NRXN3: variants seen among roughly 807,000 people sequenced by gnomAD.
NRXN3 encodes the protein neurexin 3, also known as neurexin III.
A neutral mutation model predicts 137.6 loss-of-function variants in NRXN3; 32 were observed. The ratio of observed to expected loss-of-function variants is 0.23; its 90% CI spans 0.18 to 0.31. The LOEUF (loss-of-function observed/expected upper bound fraction) is 0.31. NRXN3 is among the 10% of genes least tolerant of loss of function. The pLI, the probability that NRXN3 is intolerant of heterozygous loss-of-function variation, is 1.00. For missense variants in NRXN3, 1,574 were observed against 2,062.5 expected, an observed-to-expected ratio of 0.76 and a Z score of 4.59; for synonymous variants, 798 against 784.5, an observed-to-expected ratio of 1.02 and a Z score of -0.29.
rs1464910968 is a variant in NRXN3 at position 79,034,443 on chromosome 14, A to C, written c.3262+46302A>C. Among the ~76,000 whole-genome samples, 12 of 151,726 alleles carry C rather than the reference A, an allele frequency of 7.9e-5. 1 individual carries two copies. Among genetic ancestry groups the C allele is most frequent in the Admixed American group, 7.9e-4 (12 of 15,178 alleles). Reference sequence around the variant, plus strand: ...AAAGTTTAAAGAACTTAGATGTTTTATTTTGTGAGAAGAACAATTTTGGGG... The same window carrying C: ...AAAGTTTAAAGAACTTAGATGTTTTCTTTTGTGAGAAGAACAATTTTGGGG... On this transcript the variant is annotated intron_variant, in intron 15 of 20. Coordinates refer to ENST00000335750, the MANE Select transcript of NRXN3 (RefSeq NM_001330195.2).
chr14:79,748,928 G>A (rs1289152511), intron 19 of NRXN3, among the ~76,000 whole-genome samples: 1 of 151,942 alleles, frequency 6.6e-6, no homozygotes, highest in Non-Finnish European at 1.5e-5. Context: ...AGTCAAGCAG[G>A]CTAAATTGAA....
At chr14:79,133,752 T>A (rs1462938386) in intron 15 of NRXN3, among the ~76,000 whole-genome samples, 1 of 151,632 alleles carries the variant, frequency 6.6e-6, no homozygotes, top group Non-Finnish European at 1.5e-5. Flanking sequence ...GGTGAAATCC[T>A]GTCTCTACTA....
chr14:79,464,869 C>G (rs980683725), intron 15 of NRXN3, among the ~76,000 whole-genome samples: 2 of 152,118 alleles, frequency 1.3e-5, no homozygotes, highest in East Asian at 3.8e-4. Flanking sequence ...ATATCCCATA[C>G]AATTGTTGCA....
At chr14:78,845,495 T>C (rs1227585021) in intron 10 of NRXN3, among the ~76,000 whole-genome samples, 1 of 152,064 alleles carries the variant, frequency 6.6e-6, no homozygotes, top group Non-Finnish European at 1.5e-5. Context: ...TCTTGTTTAA[T>C]TCTCTCTTTT....
intron 15 of NRXN3, among the ~76,000 whole-genome samples, chr14:79,242,502 C>T (rs182395162): frequency 6.6e-6 from 1 of 152,238 alleles, no homozygotes; most frequent in African/African-American, 2.4e-5. Context: ...TAATTGGCTA[C>T]CCTCTGGGTT....
At chr14:79,477,717 GA>G (rs1261683095) in intron 16 of NRXN3, among the ~76,000 whole-genome samples, 1 of 152,102 alleles carries the variant, frequency 6.6e-6, no homozygotes, top group African/African-American at 2.4e-5. Context: ...TGGGTTCAAG[GA>G]AAACAGCAGG....
chr14:79,531,720 C>T (rs192093398), intron 16 of NRXN3, among the ~76,000 whole-genome samples: 125 of 152,208 alleles, frequency 8.2e-4, no homozygotes, highest in Admixed American at 2.7e-3. Context: ...GAGATGGGTT[C>T]GGACCATGAT....
chr14:79,809,448 A>ATT (rs537863222), intron 20 of NRXN3, among the ~76,000 whole-genome samples: 78 of 151,184 alleles, frequency 5.2e-4, no homozygotes, highest in African/African-American at 1.8e-3. Flanking sequence ...CAAAACCTAC[A>ATT]TTTTTTTTTA....
chr14:79,169,128 G>A (rs2061546501), intron 15 of NRXN3, among the ~76,000 whole-genome samples: 1 of 151,992 alleles, frequency 6.6e-6, no homozygotes, highest in African/African-American at 2.4e-5. Flanking sequence ...AAAATATGTT[G>A]AATTACATCT....
chr14:79,008,549 T>G (rs1476419362), intron 15 of NRXN3, among the ~76,000 whole-genome samples: 1 of 147,398 alleles, frequency 6.8e-6, no homozygotes, highest in African/African-American at 2.5e-5. Context: ...GTAAGTTTCC[T>G]CCTACTCTCT....
chr14:78,357,036 G>A (rs529607312), intron 4 of NRXN3, among the ~76,000 whole-genome samples: 1 of 152,280 alleles, frequency 6.6e-6, no homozygotes, highest in East Asian at 1.9e-4. Context: ...AATAGAAGGT[G>A]AATTGGGTTT....
At chr14:78,471,996 C>G (rs762412362) in intron 4 of NRXN3, among the ~76,000 whole-genome samples, 1 of 152,096 alleles carries the variant, frequency 6.6e-6, no homozygotes, top group Non-Finnish European at 1.5e-5. Context: ...TGAGAATCCC[C>G]GAAAAAGAAA....
intron 1 of NRXN3, among the ~76,000 whole-genome samples, chr14:78,224,651 A>G (rs2064275139): frequency 6.6e-6 from 1 of 151,302 alleles, no homozygotes; most frequent in African/African-American, 2.4e-5. Context: ...TATATGTGCC[A>G]CATTTTCTTA....
At chr14:79,782,785 A>C (rs576395185) in intron 19 of NRXN3, among the ~76,000 whole-genome samples, 2 of 152,178 alleles carry the variant, frequency 1.3e-5, no homozygotes, top group Non-Finnish European at 2.9e-5. Flanking sequence ...ACCTGGAAGG[A>C]GAAACCCATA....
chr14:78,633,052 G>A (rs1026828659), intron 4 of NRXN3, among the ~76,000 whole-genome samples: 7 of 151,308 alleles, frequency 4.6e-5, no homozygotes, highest in Non-Finnish European at 2.9e-5. Context: ...TGGCTAACAC[G>A]GTGAAACCCC....
At chr14:78,808,927 A>G (rs2098893825) in intron 9 of NRXN3, among the ~76,000 whole-genome samples, 4 of 151,906 alleles carry the variant, frequency 2.6e-5, no homozygotes, top group Admixed American at 6.6e-5. Flanking sequence ...CTTTGTGACT[A>G]TATTTTCCCC....
At chr14:79,474,763 C>G (rs2096544745) in intron 16 of NRXN3, among the ~76,000 whole-genome samples, 1 of 151,602 alleles carries the variant, frequency 6.6e-6, no homozygotes, top group African/African-American at 2.4e-5. Flanking sequence ...ATTTTATCGA[C>G]CATGGGAAAT....
intron 10 of NRXN3, among the ~76,000 whole-genome samples, chr14:78,878,544 C>A (rs2099119420): frequency 6.6e-6 from 1 of 151,890 alleles, no homozygotes; most frequent in Non-Finnish European, 1.5e-5. Flanking sequence ...CATTGTTGTT[C>A]CAAAGCAGCA....
intron 10 of NRXN3, among the ~76,000 whole-genome samples, chr14:78,862,187 C>T (rs1311814502): frequency 6.6e-6 from 1 of 151,860 alleles, no homozygotes; most frequent in Non-Finnish European, 1.5e-5. Flanking sequence ...TGAACTTACA[C>T]ATGAATGAGA....
Sources: gnomAD v4.1 joint callset for allele counts (sites outside exome capture counted in the v4.1 genomes callset) on GRCh38, gnomAD v4.1.1 for gene constraint, MANE v1.5 for transcripts, NCBI Gene and HGNC (gene_info 2026-07-23, HGNC 2026-07-21) for gene names.